The following ADAM20 variants were observed in gnomAD, a reference collection of about 807,000 sequenced individuals.
The protein encoded by ADAM20 is ADAM metallopeptidase domain 20, also known as disintegrin and metalloproteinase domain-containing protein 20.
For synonymous variants in ADAM20, 305 were observed against 310.2 expected (o/e 0.98, Z 0.18); for missense variants, 871 against 883.2 (o/e 0.99, Z 0.18).
At chr14:70,570,677 T>A in the ADAM20 span, among the ~76,000 whole-genome samples, 5 of 152,294 alleles carry the variant, frequency 3.3e-5, no homozygotes, top group African/African-American at 1.2e-4. Flanking sequence ...CACAGCCACA[T>A]TCTACCAAAT....
upstream of ADAM20, chr14:70,535,072 T>G (rs978164417): frequency 2.0e-5 from 3 of 152,258 alleles, no homozygotes; most frequent in African/African-American, 7.2e-5. Flanking sequence ...CAATGTTGAT[T>G]GCAGTGAACT....
At chr14:70,541,162 C>G in the ADAM20 span, among the ~76,000 whole-genome samples, 4 of 152,140 alleles carry the variant, frequency 2.6e-5, no homozygotes, top group Admixed American at 2.6e-4. Context: ...ATGTTTACAA[C>G]AAGTCAGAAA....
the ADAM20 span, among the ~76,000 whole-genome samples, chr14:70,568,758 C>CA: frequency 6.6e-6 from 1 of 152,004 alleles, no homozygotes; most frequent in Non-Finnish European, 1.5e-5. Flanking sequence ...ACAGATTACA[C>CA]AAAGCAGAAG....
At chr14:70,568,436 C>T in the ADAM20 span, among the ~76,000 whole-genome samples, 55 of 152,304 alleles carry the variant, frequency 3.6e-4, no homozygotes, top group South Asian at 0.01. Context: ...GCTCCTCAGA[C>T]GAGAAGGAAT....
At chr14:70,532,307 C>T (rs7154745) in intron 1 of ADAM20, among the ~76,000 whole-genome samples, 6,445 of 151,942 alleles carry the variant, frequency 0.042, 243 homozygotes, top group African/African-American at 0.097. Context: ...AACACTTATA[C>T]AACACAAAAA....
chr14:70,545,433 T>C, the ADAM20 span, among the ~76,000 whole-genome samples: 2 of 152,148 alleles, frequency 1.3e-5, no homozygotes, highest in Non-Finnish European at 2.9e-5. Flanking sequence ...ACCTGACACC[T>C]GCCCAAAGAG....
At chr14:70,529,482 G>C (rs1883661936) in intron 1 of ADAM20, among the ~76,000 whole-genome samples, 1 of 152,134 alleles carries the variant, frequency 6.6e-6, no homozygotes, top group South Asian at 2.1e-4. Context: ...ATCATAGAGT[G>C]TACTTCTACA....
Position 70,524,532 on chromosome 14 carries a change from T to C in ADAM20, c.226A>G (p.Met76Val). Residue 76 changes from methionine (M) to valine (V), a missense_variant, in exon 2 of 2, where the codon ATG (methionine) becomes GTG (valine). Transcript: ENST00000256389. ...RFGGQRYIVH[M>V]RVNKLLFAAH... is the part of the protein sequence containing the mutation. The stretch of plus-strand genomic sequence containing the variant: ...GCAAACAACAGCTTATTTACCCTCA[T>C]GTGGACAATGTATCTCTGTCCCCCA... 3 of 1,614,004 alleles carry C rather than the reference T, an allele frequency of 1.9e-6. No homozygotes were observed. Among genetic ancestry groups the C allele is most frequent in the Non-Finnish European group, 2.5e-6 (3 of 1,179,926 alleles).
chr14:70,566,924 G>C, the ADAM20 span, among the ~76,000 whole-genome samples: 1 of 152,136 alleles, frequency 6.6e-6, no homozygotes, highest in Non-Finnish European at 1.5e-5. Context: ...GGAGGTTGCA[G>C]TGAGCCAAGA....
At chr14:70,536,394 A>C (rs1463745564), upstream of ADAM20, among the ~76,000 whole-genome samples, 1 of 138,952 alleles carries the variant, frequency 7.2e-6, no homozygotes, top group African/African-American at 2.7e-5. Flanking sequence ...TGAATCCAGG[A>C]GGCAGAGGTT....
upstream of ADAM20, among the ~76,000 whole-genome samples, chr14:70,539,409 C>G (rs1056092263): frequency 6.6e-6 from 1 of 152,158 alleles, no homozygotes; most frequent in Admixed American, 6.5e-5. Flanking sequence ...GAATGGAATG[C>G]GACCCTTGTG....
chr14:70,570,725 T>A, the ADAM20 span, among the ~76,000 whole-genome samples: 2 of 152,086 alleles, frequency 1.3e-5, no homozygotes, highest in Non-Finnish European at 2.9e-5. Flanking sequence ...GAAACTGTTA[T>A]AGGAAATCAA....
At chr14:70,529,375 G>T (rs969375346) in intron 1 of ADAM20, among the ~76,000 whole-genome samples, 1 of 152,150 alleles carries the variant, frequency 6.6e-6, no homozygotes, top group Non-Finnish European at 1.5e-5. Flanking sequence ...ATAATGTAAT[G>T]AAATCTGAAA....
In ADAM20 at chr14:70,524,738, A is replaced by AGT. The variant is rs1883550056; in HGVS notation, c.19_20insAC (p.Leu7HisfsTer38). The stretch of plus-strand genomic sequence containing the variant: ...CAGAAGAGTGACCCTGATGTGCACC[A>AGT]GGGGCTCACCCACTGCCATTATGAA... On this transcript the variant is annotated frameshift_variant, in exon 2 of 2. Coordinates refer to ENST00000256389, the MANE Select transcript of ADAM20 (RefSeq NM_003814.5). LOFTEE classifies it low-confidence loss of function (END_TRUNC). The AGT allele has an allele frequency of 6.2e-7, 1 of 1,613,860 alleles. No homozygotes were observed. The highest frequency in any genetic ancestry group is 1.3e-5 in the African/African-American group (1 of 74,922).
rs374251378 is a variant in ADAM20, at chr14:70,528,583, T to C, written c.-176-3650A>G. On this transcript the variant is annotated intron_variant, in intron 1 of 1. Transcript: ENST00000256389. ...TCTTAGGATGTGTTAAACAAAAAGG[T>C]TTCCTCATTCCAGAGCTTAGTGGAG... Among the ~76,000 whole-genome samples, 7 of 152,198 alleles carry C rather than the reference T, an allele frequency of 4.6e-5. No homozygotes were observed. In the East Asian group the frequency reaches 1.2e-3, roughly 25 times the overall value.
the ADAM20 span, among the ~76,000 whole-genome samples, chr14:70,577,133 T>C: frequency 2.0e-5 from 3 of 152,312 alleles, no homozygotes; most frequent in African/African-American, 4.8e-5. Flanking sequence ...CATATGATGC[T>C]GACGTAACCT....
chr14:70,574,634 C>T, the ADAM20 span, among the ~76,000 whole-genome samples: 2 of 149,358 alleles, frequency 1.3e-5, no homozygotes, highest in East Asian at 1.9e-4. Context: ...AGCGAGACTC[C>T]GTCTCAAAAA....
At chr14:70,566,886 G>A in the ADAM20 span, among the ~76,000 whole-genome samples, 1 of 152,154 alleles carries the variant, frequency 6.6e-6, no homozygotes, top group African/African-American at 2.4e-5. Context: ...AGAGGCTGAG[G>A]CAGGAGAATT....
chr14:70,565,965 A>G, the ADAM20 span, among the ~76,000 whole-genome samples: 1 of 152,084 alleles, frequency 6.6e-6, no homozygotes, highest in Admixed American at 6.5e-5. Flanking sequence ...AGAGTGCTAT[A>G]CCCAGCAAAG....
Sources: gnomAD v4.1 joint callset for allele counts (sites outside exome capture counted in the v4.1 genomes callset) on GRCh38, gnomAD v4.1.1 for gene constraint, MANE v1.5 for transcripts, NCBI Gene and HGNC (gene_info 2026-07-23, HGNC 2026-07-21) for gene names.